RNF150: variants seen among roughly 807,000 people sequenced by gnomAD.
The protein encoded by RNF150 is ring finger protein 150.
A neutral mutation model predicts 39.3 loss-of-function variants in RNF150; 24 were observed. The ratio of observed to expected loss-of-function variants is 0.61; its 90% confidence interval spans 0.44 to 0.86. RNF150 has a LOEUF of 0.86. RNF150 is among the 40% of genes least tolerant of loss of function. RNF150 has a pLI of 0.00. For missense variants in RNF150, 502 were observed against 587.8 expected, an observed-to-expected ratio of 0.85 and a Z score of 1.51; for synonymous variants, 255 against 227.3, an observed-to-expected ratio of 1.12 and a Z score of -1.10.
At chr4:140,990,296 C>G (rs187442073) in intron 1 of RNF150, among the ~76,000 whole-genome samples, 22 of 152,208 alleles carry the variant, frequency 1.4e-4, no homozygotes, top group African/African-American at 5.3e-4. Context: ...GTAAATGACT[C>G]CGAAGTAAAA....
At chr4:141,036,976 C>A (rs186856250) in intron 1 of RNF150, among the ~76,000 whole-genome samples, 16 of 152,306 alleles carry the variant, frequency 1.1e-4, no homozygotes, top group African/African-American at 3.6e-4. Context: ...CATTCTCCAA[C>A]AGACTGAGTT....
In RNF150 at chr4:140,922,442, A is replaced by T. The variant is rs532587694; in HGVS notation, c.987+3535T>A. On this transcript the variant is annotated intron_variant, in intron 5 of 6. Transcript: ENST00000515673. ...GGGAAGGACCTCTTCAAGGAGAACTACAAACCACTGCTCAATGAAATAAAA... is the reference window on the plus strand; with the variant it reads ...GGGAAGGACCTCTTCAAGGAGAACTTCAAACCACTGCTCAATGAAATAAAA... Among the ~76,000 whole-genome samples, 377 of 151,270 alleles carry T rather than the reference A, an allele frequency of 2.5e-3. 1 individual carries two copies. Among genetic ancestry groups the T allele is most frequent in the Admixed American group, 4.6e-3 (70 of 15,140 alleles).
intron 5 of RNF150, among the ~76,000 whole-genome samples, chr4:140,912,831 T>C (rs1443959324): frequency 6.6e-6 from 1 of 152,210 alleles, no homozygotes; most frequent in Non-Finnish European, 1.5e-5. Flanking sequence ...CTGAATTTAC[T>C]AAATTTACTC....
rs35383472 is a variant in RNF150 at position 141,186,574 on chromosome 4, A to AT, written c.-6+26219dup. Among the ~76,000 whole-genome samples, 192 of 144,374 alleles carry AT rather than the reference A, an allele frequency of 1.3e-3. 1 individual carries two copies. The highest frequency in any genetic ancestry group is 6.7e-3 in the East Asian group (32 of 4,764). 94.7% of individuals were successfully genotyped at this position (144,374 alleles called of 152,430 possible). On this transcript the variant is annotated intron_variant, in intron 1 of 7. Coordinates refer to the RNF150 transcript ENST00000420921. ...CCACCATGCCCGGCTATTTTTTTGTATTTTTTTTTTTTAGTAGAGACAGGG... is the reference window on the plus strand; with the variant it reads ...CCACCATGCCCGGCTATTTTTTTGTATTTTTTTTTTTTTAGTAGAGACAGGG...
intron 1 of RNF150, among the ~76,000 whole-genome samples, chr4:140,970,157 C>G (rs978581196): frequency 1.4e-4 from 21 of 152,060 alleles, no homozygotes; most frequent in Non-Finnish European, 2.9e-4. Context: ...ATTTTCCACC[C>G]AAGATTATAG....
At chr4:140,931,417 T>G (rs916190080) in intron 4 of RNF150, among the ~76,000 whole-genome samples, 1 of 152,186 alleles carries the variant, frequency 6.6e-6, no homozygotes, top group South Asian at 2.1e-4. Flanking sequence ...GAAAACTTTA[T>G]CCTTATAATT....
At chr4:141,090,070 G>T (rs1475824297) in intron 1 of RNF150, among the ~76,000 whole-genome samples, 5 of 152,176 alleles carry the variant, frequency 3.3e-5, no homozygotes, top group African/African-American at 1.2e-4. Flanking sequence ...GCTCAGTGCT[G>T]GTCTAGGTGC....
intron 1 of RNF150, among the ~76,000 whole-genome samples, chr4:141,110,604 G>T (rs1028843526): frequency 7.2e-6 from 1 of 138,072 alleles, no homozygotes; most frequent in Non-Finnish European, 1.5e-5. Context: ...ATGAGGAAGG[G>T]GTCTTGCTAT....
At chr4:141,003,976 G>C (rs1474228959) in intron 1 of RNF150, among the ~76,000 whole-genome samples, 1 of 152,134 alleles carries the variant, frequency 6.6e-6, no homozygotes, top group Non-Finnish European at 1.5e-5. Context: ...TGACTGGAAG[G>C]ATTGGGGTTA....
At chr4:140,888,995 T>C (rs1729670392) in intron 6 of RNF150, among the ~76,000 whole-genome samples, 1 of 152,214 alleles carries the variant, frequency 6.6e-6, no homozygotes, top group African/African-American at 2.4e-5. Flanking sequence ...GGATAATATT[T>C]ACTATGTCAG....
intron 1 of RNF150, among the ~76,000 whole-genome samples, chr4:140,985,513 T>C (rs1733989867): frequency 6.6e-6 from 1 of 152,262 alleles, no homozygotes; most frequent in South Asian, 2.1e-4. Context: ...AAGCTTTCTG[T>C]CTAATGTAGC....
intron 1 of RNF150, among the ~76,000 whole-genome samples, chr4:141,143,748 C>T (rs1230193700): frequency 1.3e-5 from 2 of 152,170 alleles, no homozygotes; most frequent in African/African-American, 4.8e-5. Flanking sequence ...TCCTCACATG[C>T]AACAAGCTTT....
Position 141,132,897 on chromosome 4 carries a change from C to G in RNF150, c.-89G>C. ...GCCCCGGCCAACCCCGGGCCGCTGC[C>G]TCTCCTCCTGCTGCTGCTCACTCCC... On this transcript the variant is annotated 5_prime_UTR_variant, in exon 1 of 7. Transcript: ENST00000515673. The surrounding 1 kb of genome is among the most constrained non-coding windows in gnomAD (Gnocchi z 4.9). 4 of 1,107,834 alleles carry G rather than the reference C, an allele frequency of 3.6e-6. No homozygotes were observed. Among genetic ancestry groups the G allele is most frequent in the Non-Finnish European group, 4.0e-6 (3 of 758,022 alleles). 68.6% of individuals were successfully genotyped at this position (1,107,834 alleles called of 1,614,324 possible).
intron 6 of RNF150, among the ~76,000 whole-genome samples, chr4:140,899,944 TTC>T (rs60297205): frequency 7.7e-4 from 85 of 110,120 alleles, no homozygotes; most frequent in African/African-American, 2.8e-3. Flanking sequence ...CTCTCTCACT[TTC>T]TCTCTCTCTC....
At position 141,000,926 on chromosome 4, in the gene RNF150, T is replaced by A. The variant is rs1734645236; in HGVS notation, c.485-33053A>T. ...TTTCAGCTGAGTTTTATAAGTCCTATGTCAAAATAATTTTGAATAGAATGG... is the reference window on the plus strand; with the variant it reads ...TTTCAGCTGAGTTTTATAAGTCCTAAGTCAAAATAATTTTGAATAGAATGG... On this transcript the variant is annotated intron_variant, in intron 1 of 6. Coordinates refer to ENST00000515673, the MANE Select transcript of RNF150 (RefSeq NM_020724.2). 2.6e-5 allele frequency among the ~76,000 whole-genome samples: 4 copies of A among 152,348 alleles called. No individual in the cohort carries two copies. The South Asian group carries it at 8.3e-4, about 32-fold the overall frequency.
At chr4:141,046,832 T>G (rs1736594819) in intron 1 of RNF150, among the ~76,000 whole-genome samples, 1 of 152,156 alleles carries the variant, frequency 6.6e-6, no homozygotes, top group African/African-American at 2.4e-5. Flanking sequence ...GAAACAGATA[T>G]AAGGATAAAA....
upstream of RNF150, among the ~76,000 whole-genome samples, chr4:141,138,371 T>G (rs1727060991): frequency 6.6e-6 from 1 of 152,126 alleles, no homozygotes; most frequent in South Asian, 2.1e-4. Context: ...ATGTCCTTTA[T>G]TCACAATAGG....
chr4:141,188,998 C>G (rs1020858181), intron 1 of RNF150, among the ~76,000 whole-genome samples: 1 of 152,224 alleles, frequency 6.6e-6, no homozygotes, highest in Non-Finnish European at 1.5e-5. Context: ...TGTGCTGGTT[C>G]TTCCTCATCT....
At chr4:141,041,642 T>G (rs1472179242) in intron 1 of RNF150, among the ~76,000 whole-genome samples, 1 of 152,102 alleles carries the variant, frequency 6.6e-6, no homozygotes, top group Non-Finnish European at 1.5e-5. Flanking sequence ...CTAAAAAAGG[T>G]CTACAGATTA....
Sources: gnomAD v4.1 joint callset for allele counts (sites outside exome capture counted in the v4.1 genomes callset) on GRCh38, gnomAD v4.1.1 for gene constraint, Gnocchi (gnomAD v3.1) non-coding constraint, MANE v1.5 for transcripts, NCBI Gene and HGNC (gene_info 2026-07-23, HGNC 2026-07-21) for gene names.